Variants in MRPS28 observed in about 807,000 individuals in gnomAD.
MRPS28 encodes small ribosomal subunit protein bS1m.
Under a neutral mutation model 10.8 loss-of-function variants are expected in MRPS28, and 7 were observed. That is an observed-to-expected ratio of 0.65 (90% CI 0.37 to 1.22). The LOEUF is 1.22. Ranked by LOEUF, MRPS28 falls within the 50% of genes most tolerant of loss-of-function variation. The probability of loss-of-function intolerance (pLI) is 0.02; values close to 1 mark genes in which losing one functional copy is unlikely to be tolerated. For missense variants in MRPS28, 265 were observed against 232.9 expected, an observed-to-expected ratio of 1.14 and a Z score of -0.90; for synonymous variants, 121 against 93.3, an observed-to-expected ratio of 1.30 and a Z score of -1.71.
At chr8:79,991,911 T>G (rs1327490600) in intron 2 of MRPS28, among the ~76,000 whole-genome samples, 2 of 902 alleles carry the variant, frequency 2.2e-3, no homozygotes, top group African/African-American at 4.2e-3. Flanking sequence ...TCCTCCTTGC[T>G]CTCTCTCTCT....
rs200308001 is a variant in MRPS28 at position 80,011,142 on chromosome 8, T to TA, written c.214-7963_214-7962insT. ...TTTTTTTTTTATTTTTTTATTTTTA[T>TA]TTTTTTTTGTAAGCCATTCTTGACA... On this transcript the variant is annotated intron_variant, in intron 1 of 2. Coordinates refer to ENST00000276585, the MANE Select transcript of MRPS28 (RefSeq NM_014018.3). Among the ~76,000 whole-genome samples the TA allele has an allele frequency of 5.9e-3, 858 of 145,252 alleles. 14 individuals are homozygous for TA. The highest frequency in any genetic ancestry group is 0.021 in the African/African-American group (829 of 38,570).
rs1037165857 is a variant in MRPS28 at position 79,919,644 on chromosome 8, C to A, written c.396-496G>T. Among the ~76,000 whole-genome samples, 3 of 152,150 alleles carry A rather than the reference C, an allele frequency of 2.0e-5. No individual in the cohort carries two copies. The South Asian group carries it at 6.2e-4, about 32-fold the overall frequency. On this transcript the variant is annotated intron_variant, in intron 2 of 2. Coordinates refer to ENST00000276585, the MANE Select transcript of MRPS28 (RefSeq NM_014018.3). ...TCACTGCCAGCTCTAGAATTTTCAT[C>A]TTAAAAGTTGCCTTTAAAGATTTTA...
chr8:79,928,964 T>G (rs1329280033), intron 2 of MRPS28, among the ~76,000 whole-genome samples: 1 of 152,128 alleles, frequency 6.6e-6, no homozygotes. Flanking sequence ...GAGAATCGCT[T>G]GAACCCAGGA....
intron 2 of MRPS28, among the ~76,000 whole-genome samples, chr8:79,949,113 C>G (rs1478214122): frequency 6.6e-6 from 1 of 151,998 alleles, no homozygotes; most frequent in East Asian, 1.9e-4. Flanking sequence ...CACAGGTCTT[C>G]TGCTTTTAAA....
chr8:79,938,221 G>A (rs1806657594), intron 2 of MRPS28, among the ~76,000 whole-genome samples: 1 of 95,604 alleles, frequency 1.0e-5, no homozygotes, highest in South Asian at 4.5e-4. Flanking sequence ...ACATTAAAAA[G>A]ACATAGGTGG....
chr8:79,936,996 G>A (rs867463286), intron 2 of MRPS28, among the ~76,000 whole-genome samples: 8 of 152,172 alleles, frequency 5.3e-5, no homozygotes, highest in African/African-American at 1.9e-4. Flanking sequence ...AAGTAGCTGG[G>A]ATTACAGGCA....
At chr8:79,921,832 G>C (rs1338394035) in intron 2 of MRPS28, among the ~76,000 whole-genome samples, 1 of 152,168 alleles carries the variant, frequency 6.6e-6, no homozygotes, top group South Asian at 2.1e-4. Flanking sequence ...GAAAAGGAGT[G>C]GTGAGAGAGG....
intron 2 of MRPS28, among the ~76,000 whole-genome samples, chr8:79,924,695 A>G (rs1810188300): frequency 6.6e-6 from 1 of 152,346 alleles, no homozygotes; most frequent in African/African-American, 2.4e-5. Context: ...ACACTGTAAT[A>G]ATCTTGAACA....
chr8:80,013,634 C>CAAAAAAAAAAAAAAAAAAAAAAAAAAA (rs5892700), intron 1 of MRPS28, among the ~76,000 whole-genome samples: 1 of 75,630 alleles, frequency 1.3e-5, no homozygotes, highest in Non-Finnish European at 2.5e-5. Flanking sequence ...GACTCCATCT[C>CAAAAAAAAAAAAAAAAAAAAAAAAAAA]AAAAAAAAAA....
intron 2 of MRPS28, among the ~76,000 whole-genome samples, chr8:79,946,248 ATC>A (rs1806915881): frequency 6.6e-6 from 1 of 152,246 alleles, no homozygotes. Context: ...ATAATCTGTT[ATC>A]TCTCTTCTGG....
chr8:80,027,673 AG>A (rs1809526841), intron 1 of MRPS28, among the ~76,000 whole-genome samples: 1 of 152,224 alleles, frequency 6.6e-6, no homozygotes, highest in Admixed American at 6.5e-5. Context: ...GAAGGAGTAA[AG>A]GGGTTCACGT....
At chr8:79,983,704 T>C (rs1368757171) in intron 2 of MRPS28, among the ~76,000 whole-genome samples, 1 of 151,900 alleles carries the variant, frequency 6.6e-6, no homozygotes, top group African/African-American at 2.4e-5. Flanking sequence ...TGAAATGAAG[T>C]GAGAAGGGAA....
intron 1 of MRPS28, chr8:80,028,658 C>CCGGGGGG (rs1809557505): frequency 1.5e-4 from 1 of 6,458 alleles, no homozygotes; most frequent in African/African-American, 4.1e-4. Context: ...GCGGGGGGGG[C>CCGGGGGG]GGGGCCGGGC....
Position 79,936,829 on chromosome 8 carries a change from T to C in MRPS28, c.396-17681A>G, listed in dbSNP as rs563288083. ...ATGGTGTGATAACATATTTCTCTAT[T>C]TTTTAATAAACAACCTCTTAGTTTT... On this transcript the variant is annotated intron_variant, in intron 2 of 2. Transcript: ENST00000276585. Among the ~76,000 whole-genome samples, 24 of 152,246 alleles carry C rather than the reference T, an allele frequency of 1.6e-4. 1 individual carries two copies. In the South Asian group the frequency reaches 5.0e-3, roughly 32 times the overall value.
At chr8:80,008,053 T>C (rs1423005562) in intron 1 of MRPS28, among the ~76,000 whole-genome samples, 1 of 152,164 alleles carries the variant, frequency 6.6e-6, no homozygotes, top group Non-Finnish European at 1.5e-5. Flanking sequence ...CAAAATAGCA[T>C]GATACTGGTA....
At chr8:80,015,085 T>G in intron 1 of MRPS28, among the ~76,000 whole-genome samples, 1 of 152,140 alleles carries the variant, frequency 6.6e-6, no homozygotes, top group East Asian at 1.9e-4. Context: ...AGTCTGAAAG[T>G]TAAAAACTCC....
intron 2 of MRPS28, among the ~76,000 whole-genome samples, chr8:79,926,362 G>C (rs73251922): frequency 0.012 from 1,799 of 152,290 alleles, 40 homozygotes; most frequent in African/African-American, 0.041. Context: ...CTGTGACCAA[G>C]TACAAGAAAT....
At chr8:79,955,097 G>A (rs985969029) in intron 2 of MRPS28, among the ~76,000 whole-genome samples, 6 of 152,180 alleles carry the variant, frequency 3.9e-5, no homozygotes, top group Admixed American at 6.6e-5. Flanking sequence ...GTTTAAAAGA[G>A]TCGATAAGGT....
chr8:79,947,639 T>G (rs1422794267), intron 2 of MRPS28, among the ~76,000 whole-genome samples: 1 of 143,168 alleles, frequency 7.0e-6, no homozygotes, highest in Non-Finnish European at 1.5e-5. Flanking sequence ...GTTTTTTTTT[T>G]TTTTTTTTTT....
Sources: gnomAD v4.1 joint callset for allele counts (sites outside exome capture counted in the v4.1 genomes callset) on GRCh38, gnomAD v4.1.1 for gene constraint, MANE v1.5 for transcripts, NCBI Gene and HGNC (gene_info 2026-07-23, HGNC 2026-07-21) for gene names.